GLRA2: variants seen among roughly 807,000 people sequenced by gnomAD.
GLRA2 encodes the protein glycine receptor subunit alpha-2.
Under a neutral mutation model 31.6 loss-of-function variants are expected in GLRA2, and 11 were observed. The observed-to-expected ratio is 0.35, with a 90% CI of 0.22 to 0.58. GLRA2 has a LOEUF of 0.58. Ranked by LOEUF, GLRA2 falls within the 20% of genes least tolerant of loss-of-function variation. The pLI is 0.84. For synonymous variants in GLRA2, 132 were observed against 134.0 expected (o/e 0.99, Z 0.10); for missense variants, 212 against 351.8 (o/e 0.60, Z 3.18).
chrX:14,485,256 T>C, the GLRA2 span, among the ~76,000 whole-genome samples: 1 of 112,339 alleles, frequency 8.9e-6, no homozygotes, highest in Non-Finnish European at 1.9e-5. Flanking sequence ...CTGAACTAGG[T>C]TGCCCTTTAT....
chrX:14,484,337 A>C, the GLRA2 span, among the ~76,000 whole-genome samples: 1 of 111,980 alleles, frequency 8.9e-6, no homozygotes, highest in South Asian at 3.7e-4. Context: ...AACACTTTGC[A>C]TTCCTTGAGG....
chrX:14,681,904 A>ATATATATATATATATATATATATATAT (rs1295348729), intron 7 of GLRA2, among the ~76,000 whole-genome samples: 1 of 37,984 alleles, frequency 2.6e-5, no homozygotes, highest in Non-Finnish European at 6.9e-5. Context: ...AAAAAAAAAA[A>ATATATATATATATATATATATATATAT]AAAAAAATAT....
rs181292916 is a variant in GLRA2 at position 14,695,291 on chromosome X, G to T, written c.1080+4432G>T. Among the ~76,000 whole-genome samples, 949 of 111,555 alleles carry T rather than the reference G, an allele frequency of 8.5e-3. 22 individuals are homozygous for T. The highest frequency in any genetic ancestry group is 0.084 in the Admixed American group (882 of 10,480). ...ACTTGCAATTGCCTTTACTGTGCAG[G>T]GGAACATAGAAGATGGTATGGAATA... On this transcript the variant is annotated intron_variant, in intron 8 of 8. Transcript: ENST00000218075.
chrX:14,710,555 A>G (rs1340263197), intron 8 of GLRA2, among the ~76,000 whole-genome samples: 2 of 111,981 alleles, frequency 1.8e-5, no homozygotes, highest in African/African-American at 6.5e-5. Context: ...TAACAGCAGC[A>G]AAGGGACTTG....
In GLRA2 at chrX:14,585,305, C is replaced by T. The variant is rs1335114327; in HGVS notation, c.494+3899C>T. Among the ~76,000 whole-genome samples the T allele has an allele frequency of 2.7e-5, 3 of 111,345 alleles. No homozygotes were observed. In the Admixed American group the frequency reaches 2.9e-4, roughly 11 times the overall value. Reference sequence around the variant, plus strand: ...GAACTAAGTAAGATGTGGTCTTTCCCCTGGAATGACTTCAGTCTAACAAGG... The same window carrying T: ...GAACTAAGTAAGATGTGGTCTTTCCTCTGGAATGACTTCAGTCTAACAAGG... On this transcript the variant is annotated intron_variant, in intron 4 of 8. Coordinates refer to ENST00000218075, the MANE Select transcript of GLRA2 (RefSeq NM_002063.4).
intron 7 of GLRA2, among the ~76,000 whole-genome samples, chrX:14,626,846 T>C (rs1252404321): frequency 1.8e-5 from 2 of 112,072 alleles, no homozygotes; most frequent in Admixed American, 1.9e-4. Flanking sequence ...TCAAATCTAA[T>C]GTTGGGGAAA....
chrX:14,535,497 A>T (rs1375656017), intron 2 of GLRA2, among the ~76,000 whole-genome samples: 3 of 112,343 alleles, frequency 2.7e-5, no homozygotes, highest in Non-Finnish European at 5.7e-5. Flanking sequence ...ACAGGGAAAA[A>T]ATAGCTTTTC....
chrX:14,515,664 T>C, the GLRA2 span, among the ~76,000 whole-genome samples: 1 of 112,195 alleles, frequency 8.9e-6, no homozygotes. Flanking sequence ...TTCTAAATGT[T>C]AATTATTATG....
chrX:14,546,447 G>A (rs185142353), intron 2 of GLRA2, among the ~76,000 whole-genome samples: 31 of 111,164 alleles, frequency 2.8e-4, no homozygotes, highest in African/African-American at 9.1e-4. Flanking sequence ...AGGGCTTTCC[G>A]CAGAGTGTAT....
chrX:14,729,487 G>A (rs1418875496), intron 8 of GLRA2, among the ~76,000 whole-genome samples: 1 of 111,418 alleles, frequency 9.0e-6, no homozygotes, highest in Admixed American at 9.6e-5. Flanking sequence ...TCTAATTTAT[G>A]TAGAAATAAT....
Position 14,726,997 on chromosome X carries a change from A to G in GLRA2, c.1081-3210A>G, listed in dbSNP as rs1290329159. On this transcript the variant is annotated intron_variant, in intron 8 of 8. Transcript: ENST00000218075. ...GATACGCAAAGGAAAAAAACAGCAC[A>G]GTAAATTTGAGCAGATAAGGAGAAA... is the stretch of plus-strand genomic sequence containing the variant. Among the ~76,000 whole-genome samples, 4 of 112,262 alleles carry G rather than the reference A, an allele frequency of 3.6e-5. No individual in the cohort carries two copies. In the Admixed American group the frequency reaches 3.8e-4, roughly 11 times the overall value.
intron 7 of GLRA2, among the ~76,000 whole-genome samples, chrX:14,682,183 G>C (rs1209974648): frequency 9.3e-6 from 1 of 108,034 alleles, no homozygotes; most frequent in Non-Finnish European, 1.9e-5. Context: ...TATTCCCAGG[G>C]GAATTGATAT....
chrX:14,721,604 T>C (rs1295711860), intron 8 of GLRA2, among the ~76,000 whole-genome samples: 1 of 111,540 alleles, frequency 9.0e-6, no homozygotes, highest in Non-Finnish European at 1.9e-5. Context: ...GCTTATCAGG[T>C]ACTGCTTTAG....
chrX:14,531,207 T>A (rs1400224302), intron 1 of GLRA2: 5 of 808,933 alleles, frequency 6.2e-6, no homozygotes, highest in African/African-American at 2.1e-5. Context: ...TCATATCAAT[T>A]TTTAACTCCT....
chrX:14,533,472 T>A lies in GLRA2; in HGVS notation c.202+1100T>A, dbSNP rs752499114. Among the ~76,000 whole-genome samples the A allele has an allele frequency of 2.3e-4, 25 of 109,755 alleles. 1 individual carries two copies. Among genetic ancestry groups the A allele is most frequent in the Non-Finnish European group, 1.9e-4 (10 of 52,298 alleles). On this transcript the variant is annotated intron_variant, in intron 2 of 8. Transcript: ENST00000218075. The stretch of plus-strand genomic sequence containing the variant: ...AGAATTTTGGTGAAATAGTATTTTT[T>A]AAGTATCTCCAAGAGAGATAACTGA...
Position 14,730,282 on chromosome X carries a change from G to T in GLRA2, c.1156G>T (p.Gly386Ter). The change falls in exon 9 of 9, where the codon GGA (glycine) becomes TGA (stop). Residue 386 changes from glycine to a stop codon, truncating the protein, a stop_gained. Transcript: ENST00000218075. LOFTEE classifies it high-confidence loss of function. ...GMGHCLQVKDGTAVKATPANP... is the reference protein window; with the variant it reads ...GMGHCLQVKD Reference sequence around the variant, plus strand: ...GGGTCACTGCCTCCAAGTGAAAGATGGAACAGCTGTCAAGGCCACACCTGC... The same window carrying T: ...GGGTCACTGCCTCCAAGTGAAAGATTGAACAGCTGTCAAGGCCACACCTGC... 8.3e-7 allele frequency: 1 copy of T among 1,203,872 alleles called. No individual in the cohort carries two copies. The highest frequency in any genetic ancestry group is 1.1e-6 in the Non-Finnish European group (1 of 888,667).
chrX:14,486,081 AAGAG>A, the GLRA2 span, among the ~76,000 whole-genome samples: 2 of 111,609 alleles, frequency 1.8e-5, no homozygotes, highest in African/African-American at 6.5e-5. Flanking sequence ...AGTGGGAAAA[AAGAG>A]AGGGTCTGGA....
At chrX:14,541,484 A>G (rs927841281) in intron 2 of GLRA2, among the ~76,000 whole-genome samples, 8 of 111,921 alleles carry the variant, frequency 7.1e-5, no homozygotes, top group African/African-American at 1.3e-4. Context: ...CCAAACATAC[A>G]CAGAAGGTAA....
intron 7 of GLRA2, among the ~76,000 whole-genome samples, chrX:14,665,573 G>A (rs2091030407): frequency 9.0e-6 from 1 of 111,480 alleles, no homozygotes; most frequent in Admixed American, 9.6e-5. Flanking sequence ...CATGGTGGAG[G>A]GGATGTATAG....
Sources: gnomAD v4.1 joint callset for allele counts (sites outside exome capture counted in the v4.1 genomes callset) on GRCh38, gnomAD v4.1.1 for gene constraint, MANE v1.5 for transcripts, NCBI Gene and HGNC (gene_info 2026-07-23, HGNC 2026-07-21) for gene names.